The following ATP2C2 variants were observed in gnomAD, a reference collection of about 807,000 sequenced individuals.
ATP2C2 encodes ATPase secretory pathway Ca2+ transporting 2.
ATP2C2 carries 171 observed loss-of-function variants against 110.8 expected under a neutral mutation model. The ratio of observed to expected loss-of-function variants is 1.54; its 90% CI spans 1.36 to 1.75. The LOEUF is 1.75. Among genes scored for constraint, ATP2C2 ranks in the 40% most tolerant of loss-of-function variants. The pLI is 0.00. For missense variants in ATP2C2, 1,963 were observed against 1,235.0 expected, an observed-to-expected ratio of 1.59 and a Z score of -8.84; for synonymous variants, 804 against 508.4, an observed-to-expected ratio of 1.58 and a Z score of -7.82.
At chr16:84,412,306 A>T (rs1186214728) in intron 6 of ATP2C2, among the ~76,000 whole-genome samples, 2 of 141,668 alleles carry the variant, frequency 1.4e-5, no homozygotes, top group African/African-American at 5.3e-5. Context: ...GTGTGTGAGC[A>T]TGTCTGCACG....
At chr16:84,404,055 C>T (rs931871728) in intron 2 of ATP2C2, among the ~76,000 whole-genome samples, 6 of 152,166 alleles carry the variant, frequency 3.9e-5, no homozygotes, top group African/African-American at 1.4e-4. Context: ...GGGGAAGGGG[C>T]GCAGGGCTTC....
chr16:84,396,223 C>T (rs1281997628), intron 1 of ATP2C2, among the ~76,000 whole-genome samples: 1 of 150,492 alleles, frequency 6.6e-6, no homozygotes, highest in East Asian at 2.0e-4. Context: ...AAGCATCGGG[C>T]GTGTGTGTGT....
chr16:84,451,453 C>A (rs140227616), intron 17 of ATP2C2, among the ~76,000 whole-genome samples: 37 of 152,212 alleles, frequency 2.4e-4, no homozygotes, highest in Non-Finnish European at 3.8e-4. Flanking sequence ...GCCTGAGAGC[C>A]GCTGGAGGCA....
At chr16:84,373,326 C>A (rs1910067935) in intron 1 of ATP2C2, among the ~76,000 whole-genome samples, 2 of 152,060 alleles carry the variant, frequency 1.3e-5, no homozygotes, top group African/African-American at 2.4e-5. Context: ...ATGGCAAAAC[C>A]CCATCTCTAC....
At chr16:84,424,599 T>TTTTTTTTTTTTTTTTTC (rs376880864) in intron 10 of ATP2C2, among the ~76,000 whole-genome samples, 1 of 131,250 alleles carries the variant, frequency 7.6e-6, no homozygotes, top group African/African-American at 2.9e-5. Context: ...TTTTTTTTTT[T>TTTTTTTTTTTTTTTTTC]AACATTTTGG....
At chr16:84,383,045 G>A (rs1274026552) in intron 1 of ATP2C2, among the ~76,000 whole-genome samples, 2 of 152,146 alleles carry the variant, frequency 1.3e-5, no homozygotes, top group Admixed American at 1.3e-4. Flanking sequence ...CCTCTCCCAG[G>A]GACATGCTGG....
rs138547412 is a variant in ATP2C2 at position 84,431,629 on chromosome 16, T to TG, written c.986+5833dup. Among the ~76,000 whole-genome samples the TG allele has an allele frequency of 3.7e-3, 557 of 149,400 alleles. 3 individuals are homozygous for TG. The highest frequency in any genetic ancestry group is 0.013 in the African/African-American group (523 of 40,336). ...AGGGGGAACAGCACAGGCAAAGGTT[T>TG]GGGGGTGGGAACATATCCGAGGGTC... is the stretch of plus-strand genomic sequence containing the variant. On this transcript the variant is annotated intron_variant, in intron 11 of 26. Transcript: ENST00000262429.
chr16:84,463,503 T>C, intron 26 of ATP2C2, 111 bp from the exon 27 acceptor site: 1 of 875,514 alleles, frequency 1.1e-6, no homozygotes, highest in Admixed American at 1.9e-5. Flanking sequence ...TGAAAAGGGC[T>C]GGTCCTCCGC....
chr16:84,424,607 TG>T (rs1907647280), intron 10 of ATP2C2, among the ~76,000 whole-genome samples: 1 of 140,038 alleles, frequency 7.1e-6, no homozygotes, highest in African/African-American at 2.8e-5. Context: ...TTTAACATTT[TG>T]GGAACTGCTC....
chr16:84,436,796 C>T (rs1390049418), intron 11 of ATP2C2, among the ~76,000 whole-genome samples: 2 of 141,796 alleles, frequency 1.4e-5, no homozygotes, highest in Admixed American at 7.2e-5. Flanking sequence ...GACTTTCACT[C>T]TTGTTGCCCA....
chr16:84,381,819 C>A (rs1910595646), intron 1 of ATP2C2, among the ~76,000 whole-genome samples: 1 of 152,072 alleles, frequency 6.6e-6, no homozygotes, highest in South Asian at 2.1e-4. Context: ...TATGGATATA[C>A]CACATTGTTT....
At chr16:84,405,938 A>G (rs1382247384) in intron 3 of ATP2C2, among the ~76,000 whole-genome samples, 1 of 152,214 alleles carries the variant, frequency 6.6e-6, no homozygotes, top group Non-Finnish European at 1.5e-5. Flanking sequence ...CAACAAAACC[A>G]AAGTGAATTT....
At chr16:84,437,839 A>G (rs527818125) in intron 11 of ATP2C2, among the ~76,000 whole-genome samples, 1 of 152,198 alleles carries the variant, frequency 6.6e-6, no homozygotes, top group African/African-American at 2.4e-5. Flanking sequence ...TATCGCCTCA[A>G]AAAGAAACCC....
At chr16:84,418,105 C>T (rs1382009650) in intron 7 of ATP2C2, among the ~76,000 whole-genome samples, 1 of 152,186 alleles carries the variant, frequency 6.6e-6, no homozygotes, top group Admixed American at 6.5e-5. Context: ...CACACTTTCT[C>T]CCCTACCATG....
chr16:84,404,215 A>T (rs1905550425), intron 2 of ATP2C2, among the ~76,000 whole-genome samples: 1 of 152,188 alleles, frequency 6.6e-6, no homozygotes, highest in African/African-American at 2.4e-5. Flanking sequence ...CTTCCCCCAG[A>T]TTATAGGGTG....
intron 1 of ATP2C2, among the ~76,000 whole-genome samples, chr16:84,382,342 T>G (rs1910626805): frequency 6.6e-6 from 1 of 152,224 alleles, no homozygotes; most frequent in Non-Finnish European, 1.5e-5. Context: ...TGCGTAGTAT[T>G]CCATGGTGTA....
At chr16:84,449,169 A>G (rs1910028734) in intron 17 of ATP2C2, among the ~76,000 whole-genome samples, 1 of 152,174 alleles carries the variant, frequency 6.6e-6, no homozygotes, top group Admixed American at 6.5e-5. Context: ...TTACAGAGGA[A>G]GCGTTTAGAA....
chr16:84,461,870 GC>G, intron 25 of ATP2C2, 58 bp downstream of exon 25: 2 of 1,607,532 alleles, frequency 1.2e-6, no homozygotes, highest in African/African-American at 1.3e-5. Context: ...CGACAGCAGC[GC>G]CCCGACCCTG....
intron 18 of ATP2C2, 31 bp downstream of exon 18, chr16:84,452,122 A>T (rs1426760267): frequency 6.2e-7 from 1 of 1,612,704 alleles, no homozygotes; most frequent in Non-Finnish European, 8.5e-7. Flanking sequence ...GGTGAGGACG[A>T]AAGGACCCAT....
Sources: gnomAD v4.1 joint callset for allele counts (sites outside exome capture counted in the v4.1 genomes callset) on GRCh38, gnomAD v4.1.1 for gene constraint, MANE v1.5 for transcripts, NCBI Gene and HGNC (gene_info 2026-07-23, HGNC 2026-07-21) for gene names.